RSU1: variants seen among roughly 807,000 people sequenced by gnomAD.
RSU1 encodes rsu-1.
In RSU1, 26 loss-of-function variants were observed where a neutral mutation model predicts 31.1. That is an observed-to-expected ratio of 0.84 (90% CI 0.61 to 1.16). RSU1 has a LOEUF of 1.16. RSU1 is among the 50% of genes most tolerant of loss of function. The probability of loss-of-function intolerance (pLI) is 0.00; values close to 1 mark genes in which losing one functional copy is unlikely to be tolerated. For synonymous variants in RSU1, 164 were observed against 136.3 expected (o/e 1.20, Z -1.41); for missense variants, 320 against 339.1 (o/e 0.94, Z 0.44).
Position 16,811,703 on chromosome 10 carries a change from T to C in RSU1, c.109+5270A>G, listed in dbSNP as rs567177353. Among the ~76,000 whole-genome samples, 3 of 152,194 alleles carry C rather than the reference T, an allele frequency of 2.0e-5. No homozygotes were observed. In the South Asian group the frequency reaches 6.2e-4, roughly 32 times the overall value. On this transcript the variant is annotated intron_variant, in intron 2 of 8. Transcript: ENST00000345264. Reference sequence around the variant, plus strand: ...ATCATACAATCAAAAATAGAAGTTGTCAGTTCCATCTTGTTCCTGATAGCT... The same window carrying C: ...ATCATACAATCAAAAATAGAAGTTGCCAGTTCCATCTTGTTCCTGATAGCT...
At chr10:16,768,188 C>A (rs987067125) in intron 3 of RSU1, among the ~76,000 whole-genome samples, 1 of 152,226 alleles carries the variant, frequency 6.6e-6, no homozygotes, top group African/African-American at 2.4e-5. Flanking sequence ...CCTGACCCTA[C>A]AGTGCTGTGT....
intron 7 of RSU1, among the ~76,000 whole-genome samples, chr10:16,704,911 G>C (rs1835863618): frequency 6.6e-6 from 1 of 152,042 alleles, no homozygotes; most frequent in African/African-American, 2.4e-5. Context: ...TAAGGGTATG[G>C]TTTGGTGATA....
At chr10:16,765,976 C>T (rs909229923) in intron 3 of RSU1, among the ~76,000 whole-genome samples, 9 of 152,226 alleles carry the variant, frequency 5.9e-5, no homozygotes, top group African/African-American at 2.2e-4. Context: ...CAATTGATAA[C>T]TCCCAGGGGA....
chr10:16,702,399 G>A (rs1261530173), intron 7 of RSU1, among the ~76,000 whole-genome samples: 2 of 152,248 alleles, frequency 1.3e-5, no homozygotes, highest in Non-Finnish European at 2.9e-5. Flanking sequence ...ACCGGGAAAA[G>A]CTGCAGGCAC....
At chr10:16,688,765 C>T (rs1835486453) in intron 8 of RSU1, among the ~76,000 whole-genome samples, 1 of 152,070 alleles carries the variant, frequency 6.6e-6, no homozygotes, top group Non-Finnish European at 1.5e-5. Context: ...CTTTGAAAGG[C>T]TGAGGCAGGA....
At chr10:16,645,930 ACATATGTG>A (rs1834545189) in intron 8 of RSU1, among the ~76,000 whole-genome samples, 1 of 12,992 alleles carries the variant, frequency 7.7e-5, no homozygotes, top group Non-Finnish European at 1.8e-4. Context: ...GTGTATATAC[ACATATGTG>A]TATATATATG....
At chr10:16,813,451 A>G (rs1182093075) in intron 2 of RSU1, among the ~76,000 whole-genome samples, 1 of 152,234 alleles carries the variant, frequency 6.6e-6, no homozygotes, top group Non-Finnish European at 1.5e-5. Flanking sequence ...TCTGAGACAT[A>G]TGGGTCTATA....
chr10:16,762,641 T>A (rs1360900890), intron 4 of RSU1, among the ~76,000 whole-genome samples: 1 of 152,068 alleles, frequency 6.6e-6, no homozygotes, highest in Non-Finnish European at 1.5e-5. Context: ...CAAGTGAACT[T>A]CAAAATAATG....
intron 8 of RSU1, among the ~76,000 whole-genome samples, chr10:16,679,091 T>C (rs1399148114): frequency 1.3e-5 from 2 of 152,234 alleles, no homozygotes; most frequent in East Asian, 1.9e-4. Flanking sequence ...GAGTATTAGA[T>C]AGTGAGAACA....
At chr10:16,738,130 C>A (rs962768234) in intron 7 of RSU1, among the ~76,000 whole-genome samples, 1 of 152,096 alleles carries the variant, frequency 6.6e-6, no homozygotes, top group Non-Finnish European at 1.5e-5. Context: ...CGGAGAAAAA[C>A]TTCTAACTTG....
chr10:16,685,839 G>C (rs773264464), intron 8 of RSU1, among the ~76,000 whole-genome samples: 6 of 152,088 alleles, frequency 3.9e-5, no homozygotes, highest in Non-Finnish European at 7.3e-5. Context: ...ATGCGTCCCA[G>C]AGAGAACTAT....
At position 16,732,268 on chromosome 10, in the gene RSU1, G is replaced by C. The variant is rs1564336585; in HGVS notation, c.598+20271C>G. Among the ~76,000 whole-genome samples the C allele has an allele frequency of 3.3e-5, 5 of 152,302 alleles. No individual in the cohort carries two copies. The South Asian group carries it at 8.3e-4, about 25-fold the overall frequency. ...CCATTGTTGATTCTGCTATGTGCCA[G>C]CTAAAATCTCACCTCTACTTCCTGT... On this transcript the variant is annotated intron_variant, in intron 7 of 8. Transcript: ENST00000345264.
At chr10:16,750,272 G>T (rs375537892) in intron 7 of RSU1, among the ~76,000 whole-genome samples, 15 of 152,178 alleles carry the variant, frequency 9.9e-5, no homozygotes, top group African/African-American at 3.6e-4. Context: ...GACTTCTAAA[G>T]GTTTATCACG....
intron 8 of RSU1, among the ~76,000 whole-genome samples, chr10:16,619,176 G>A (rs1022192657): frequency 6.6e-6 from 1 of 152,164 alleles, no homozygotes; most frequent in African/African-American, 2.4e-5. Flanking sequence ...CAAGACAGAT[G>A]GAAGCCTGCT....
intron 8 of RSU1, among the ~76,000 whole-genome samples, chr10:16,688,275 T>C (rs6602149): frequency 0.34 from 52,391 of 151,920 alleles, 9,452 homozygotes; most frequent in East Asian, 0.46. Flanking sequence ...GAATCACATA[T>C]TATGGATAAA....
At chr10:16,754,344 C>A (rs1474940778) in intron 5 of RSU1, among the ~76,000 whole-genome samples, 2 of 152,116 alleles carry the variant, frequency 1.3e-5, no homozygotes, top group African/African-American at 4.8e-5. Context: ...GTGTGTTCAC[C>A]TGTGGCCAAT....
At chr10:16,720,884 G>C (rs769582067) in intron 7 of RSU1, among the ~76,000 whole-genome samples, 1 of 152,190 alleles carries the variant, frequency 6.6e-6, no homozygotes, top group African/African-American at 2.4e-5. Flanking sequence ...TGCTTGGGAG[G>C]CTGAGGTGGG....
At chr10:16,760,763 C>T (rs1837196907) in intron 4 of RSU1, among the ~76,000 whole-genome samples, 1 of 152,092 alleles carries the variant, frequency 6.6e-6, no homozygotes, top group African/African-American at 2.4e-5. Context: ...TCCACTGTCA[C>T]TGTCCTAGTT....
intron 2 of RSU1, among the ~76,000 whole-genome samples, chr10:16,812,553 A>G (rs1838431029): frequency 6.6e-6 from 1 of 152,238 alleles, no homozygotes; most frequent in South Asian, 2.1e-4. Flanking sequence ...GTCGACATGG[A>G]TAGCATGTGT....
Sources: gnomAD v4.1 joint callset for allele counts (sites outside exome capture counted in the v4.1 genomes callset) on GRCh38, gnomAD v4.1.1 for gene constraint, MANE v1.5 for transcripts, NCBI Gene and HGNC (gene_info 2026-07-23, HGNC 2026-07-21) for gene names.